Variants in ATXN2 observed in about 807,000 individuals in gnomAD.
ATXN2 encodes ataxin 2, also known as ataxin-2.
A neutral mutation model predicts 138.6 loss-of-function variants in ATXN2; 37 were observed. The ratio of observed to expected loss-of-function variants is 0.27; its 90% confidence interval spans 0.21 to 0.35. The LOEUF is 0.35. ATXN2 is among the 10% of genes least tolerant of loss of function. The pLI is 1.00. For missense variants in ATXN2, 1,216 were observed against 1,480.3 expected (o/e 0.82, Z 2.93); for synonymous variants, 549 against 543.7 (o/e 1.01, Z -0.13).
At chr12:111,489,734 C>A (rs948860210) in intron 14 of ATXN2, among the ~76,000 whole-genome samples, 1 of 151,620 alleles carries the variant, frequency 6.6e-6, no homozygotes, top group East Asian at 1.9e-4. Flanking sequence ...CCAGCCTGGG[C>A]AACATAGTGA....
chr12:111,472,527 A>G (rs983315741), intron 18 of ATXN2, among the ~76,000 whole-genome samples: 32 of 152,048 alleles, frequency 2.1e-4, no homozygotes, highest in African/African-American at 7.7e-4. Context: ...TAAGGCATAC[A>G]CTGAAAAAAA....
At chr12:111,509,864 A>G in intron 13 of ATXN2, 27 bp downstream of exon 13, 1 of 1,507,598 alleles carries the variant, frequency 6.6e-7, no homozygotes, top group Non-Finnish European at 9.2e-7. Flanking sequence ...TCCTACAGTT[A>G]AGCTTAATGA....
intron 14 of ATXN2, among the ~76,000 whole-genome samples, chr12:111,497,073 CTAT>C (rs1878464165): frequency 6.6e-6 from 1 of 152,112 alleles, no homozygotes; most frequent in African/African-American, 2.4e-5. Context: ...TTAGAGACTA[CTAT>C]GAGCATCTAT....
At chr12:111,597,393 C>G (rs1041880382) in intron 1 of ATXN2, among the ~76,000 whole-genome samples, 8 of 152,206 alleles carry the variant, frequency 5.3e-5, no homozygotes, top group African/African-American at 1.7e-4. Flanking sequence ...CGCCGGTCAC[C>G]CGCCGTCAAG....
Position 111,485,343 on chromosome 12 carries a change from T to C in ATXN2, c.2458-12A>G, listed in dbSNP as rs781195867. On this transcript the variant is annotated splice_polypyrimidine_tract_variant and intron_variant, in intron 17 of 24. Transcript: ENST00000673436. ...ATTGGGTATAAAGGCTTGAGAGAAT[T>C]AAAAAAAAAATTAACATTAGGCACC... 3 of 1,547,962 alleles carry C rather than the reference T, an allele frequency of 1.9e-6. No homozygotes were observed. The South Asian group carries it at 3.5e-5, about 18-fold the overall frequency.
At position 111,485,661 on chromosome 12, in the gene ATXN2, T is replaced by C. The variant is rs932301284; in HGVS notation, c.2457+52A>G. ...CTGAAAACCTAAAGAGTGCTTGGTG[T>C]CAGATACAAACAATTGGGGAGGCTA... On this transcript the variant is annotated intron_variant, in intron 17 of 24. Coordinates refer to ENST00000673436, the MANE Select transcript of ATXN2 (RefSeq NM_001372574.1). The C allele has an allele frequency of 5.6e-6, 9 of 1,599,470 alleles. No homozygotes were observed. The African/African-American group carries it at 8.0e-5, about 14-fold the overall frequency.
intron 1 of ATXN2, among the ~76,000 whole-genome samples, chr12:111,565,396 T>C (rs1882938724): frequency 6.6e-6 from 1 of 152,240 alleles, no homozygotes; most frequent in Non-Finnish European, 1.5e-5. Flanking sequence ...ACTTTTCCAC[T>C]ATTATTGTAT....
intron 15 of ATXN2, among the ~76,000 whole-genome samples, chr12:111,487,743 G>C (rs987718686): frequency 6.6e-6 from 1 of 152,064 alleles, no homozygotes; most frequent in Non-Finnish European, 1.5e-5. Flanking sequence ...ATAGGTATGA[G>C]CTACCAGTCA....
intron 1 of ATXN2, among the ~76,000 whole-genome samples, chr12:111,594,289 C>T (rs1490214229): frequency 1.3e-5 from 2 of 152,098 alleles, no homozygotes; most frequent in Non-Finnish European, 2.9e-5. Context: ...GATGAACAGT[C>T]TCACTGAAAT....
intron 5 of ATXN2, among the ~76,000 whole-genome samples, chr12:111,547,879 G>A (rs1233631722): frequency 1.6e-5 from 2 of 125,978 alleles, no homozygotes. Context: ...CTTTATTTGT[G>A]GAGAAATCCT....
Position 111,452,699 on chromosome 12 carries a change from A to T in ATXN2, c.*113T>A. ...TCCTATTGGATGTTACAAGAAATCA[A>T]CATATATATTTTAAAAACAAAATAA... On this transcript the variant is annotated 3_prime_UTR_variant, in exon 25 of 25. Transcript: ENST00000673436. The T allele has an allele frequency of 1.7e-6, 2 of 1,207,814 alleles. No homozygotes were observed. The highest frequency in any genetic ancestry group is 2.4e-6 in the Non-Finnish European group (2 of 817,008). 74.8% of individuals were successfully genotyped at this position (1,207,814 alleles called of 1,614,324 possible).
At chr12:111,570,810 T>G (rs962411953) in intron 1 of ATXN2, among the ~76,000 whole-genome samples, 1 of 152,214 alleles carries the variant, frequency 6.6e-6, no homozygotes, top group Non-Finnish European at 1.5e-5. Context: ...AATGTTTCAT[T>G]CATCTTTGTC....
intron 18 of ATXN2, among the ~76,000 whole-genome samples, chr12:111,483,071 C>T (rs985110242): frequency 6.6e-6 from 1 of 151,468 alleles, no homozygotes; most frequent in Non-Finnish European, 1.5e-5. Flanking sequence ...CCTGTAGCCC[C>T]CGCTATCCAG....
At chr12:111,470,278 C>G in intron 19 of ATXN2, 38 bp from the exon 20 acceptor site, 1 of 1,599,522 alleles carries the variant, frequency 6.3e-7, no homozygotes, top group Non-Finnish European at 8.5e-7. Flanking sequence ...CACATTAACA[C>G]TGCAAATAGA....
chr12:111,464,645 T>TA lies in ATXN2; in HGVS notation c.2896+16dup. On this transcript the variant is annotated intron_variant, in intron 21 of 24. Coordinates refer to ENST00000673436, the MANE Select transcript of ATXN2 (RefSeq NM_001372574.1). ...TTTACTGTACAATTAAAAATTAGTA[T>TA]AAAAAACCCAACTCACTGGCAAAGT... is the stretch of plus-strand genomic sequence containing the variant. 6.3e-7 allele frequency: 1 copy of TA among 1,592,316 alleles called. No individual in the cohort carries two copies. The highest frequency in any genetic ancestry group is 8.6e-7 in the Non-Finnish European group (1 of 1,161,094).
At chr12:111,526,200 A>G (rs1036903043) in intron 5 of ATXN2, among the ~76,000 whole-genome samples, 5 of 151,358 alleles carry the variant, frequency 3.3e-5, no homozygotes, top group Middle Eastern at 3.2e-3. Flanking sequence ...TACTAAAAAT[A>G]CAAAAATTAG....
Position 111,470,130 on chromosome 12 carries a change from A to C in ATXN2, c.2820T>G (p.His940Gln). ...VSSSATQYGA[H>Q]EQTHAMYACP... ...TACCATACATCGCATGCGTCTGCTC[A>C]TGAGCCCCGTACTGAGTTGCTGAAG... Residue 940 changes from histidine to glutamine, a missense_variant, in exon 20 of 25, where the codon CAT (histidine) becomes CAG (glutamine). Physicochemically the swap from His to Gln is conservative, Grantham distance 24. Coordinates refer to ENST00000673436, the MANE Select transcript of ATXN2 (RefSeq NM_001372574.1). The C allele has an allele frequency of 6.2e-7, 1 of 1,614,150 alleles. No homozygotes were observed.
intron 18 of ATXN2, among the ~76,000 whole-genome samples, chr12:111,476,303 A>C (rs1416949950): frequency 6.6e-6 from 1 of 152,210 alleles, no homozygotes; most frequent in Non-Finnish European, 1.5e-5. Flanking sequence ...TCCAACAACC[A>C]TTCATGATTA....
At chr12:111,495,900 T>C (rs1018563726) in intron 14 of ATXN2, among the ~76,000 whole-genome samples, 1 of 151,810 alleles carries the variant, frequency 6.6e-6, no homozygotes, top group Non-Finnish European at 1.5e-5. Context: ...TCCCAGCACC[T>C]TGGGAGGCCG....
Sources: allele counts gnomAD v4.1 joint callset (sites outside exome capture counted in the v4.1 genomes callset), GRCh38; gene constraint gnomAD v4.1.1; transcripts MANE v1.5; gene names NCBI Gene and HGNC (gene_info 2026-07-23, HGNC 2026-07-21).